Variants in ROCK1 observed in about 807,000 individuals in gnomAD.
ROCK1 encodes rho-associated protein kinase 1.
A neutral mutation model predicts 196.8 loss-of-function variants in ROCK1; 36 were observed. The observed-to-expected ratio is 0.18, with a 90% confidence interval of 0.14 to 0.24. The LOEUF is 0.24. Ranked by LOEUF, ROCK1 falls within the 10% of genes least tolerant of loss-of-function variation. The pLI, the probability that ROCK1 is intolerant of heterozygous loss-of-function variation, is 1.00. For synonymous variants in ROCK1, 443 were observed against 515.9 expected, an observed-to-expected ratio of 0.86 and a Z score of 1.91; for missense variants, 920 against 1,562.0, an observed-to-expected ratio of 0.59 and a Z score of 6.93.
At chr18:21,036,342 T>C (rs2036056818) in intron 9 of ROCK1, among the ~76,000 whole-genome samples, 1 of 152,244 alleles carries the variant, frequency 6.6e-6, no homozygotes, top group South Asian at 2.1e-4. Context: ...TCTTGTGTGT[T>C]GCCCACAAAC....
At chr18:20,959,086 T>TATATATATA (rs1568367368) in intron 29 of ROCK1, among the ~76,000 whole-genome samples, 5 of 29,766 alleles carry the variant, frequency 1.7e-4, no homozygotes, top group African/African-American at 1.0e-3. Context: ...ATATATATAT[T>TATATATATA]TTATATAATA....
chr18:21,107,267 T>C (rs1281131066), intron 1 of ROCK1, among the ~76,000 whole-genome samples: 1 of 152,160 alleles, frequency 6.6e-6, no homozygotes. Context: ...ATCATTAGTG[T>C]CTCAACAAAA....
chr18:21,083,230 A>AT (rs578190836), intron 1 of ROCK1, among the ~76,000 whole-genome samples: 11 of 152,032 alleles, frequency 7.2e-5, no homozygotes, highest in African/African-American at 2.7e-4. Flanking sequence ...TGGAAAAAAT[A>AT]TTTTTTTTAA....
chr18:21,038,156 A>T (rs1442230740), intron 9 of ROCK1, among the ~76,000 whole-genome samples: 1 of 152,154 alleles, frequency 6.6e-6, no homozygotes, highest in Non-Finnish European at 1.5e-5. Flanking sequence ...TAAAAACACA[A>T]AAAGTGTTTT....
At chr18:20,972,606 G>T (rs545243637) in intron 22 of ROCK1, among the ~76,000 whole-genome samples, 16 of 152,336 alleles carry the variant, frequency 1.1e-4, no homozygotes, top group African/African-American at 3.6e-4. Context: ...GGAAAATACA[G>T]CATGTGGTGT....
intron 18 of ROCK1, among the ~76,000 whole-genome samples, chr18:20,990,807 C>A (rs1198403911): frequency 2.6e-5 from 4 of 151,164 alleles, no homozygotes; most frequent in Non-Finnish European, 4.4e-5. Flanking sequence ...GTTGCCCAGG[C>A]TGGAGAACAG....
At chr18:20,960,384 T>C (rs900126943) in intron 27 of ROCK1, among the ~76,000 whole-genome samples, 178 bp from the exon 28 acceptor site, 7 of 152,098 alleles carry the variant, frequency 4.6e-5, no homozygotes, top group Non-Finnish European at 8.8e-5. Context: ...CATACAAATA[T>C]TGCAGAAAAA....
intron 1 of ROCK1, among the ~76,000 whole-genome samples, chr18:21,103,185 C>G (rs1040161792): frequency 1.1e-4 from 16 of 152,074 alleles, no homozygotes; most frequent in African/African-American, 3.9e-4. Context: ...TAAAAAATTA[C>G]ACTTCCTATG....
chr18:21,064,648 T>G (rs1476687199), intron 2 of ROCK1, among the ~76,000 whole-genome samples: 1 of 152,228 alleles, frequency 6.6e-6, no homozygotes, highest in African/African-American at 2.4e-5. Flanking sequence ...TAAGAGCTTT[T>G]CACAAGTTGT....
intron 22 of ROCK1, among the ~76,000 whole-genome samples, chr18:20,974,138 A>C (rs2035457048): frequency 6.6e-6 from 1 of 152,020 alleles, no homozygotes; most frequent in Non-Finnish European, 1.5e-5. Context: ...GTGATACTCT[A>C]CTCTGATGCA....
chr18:20,958,963 A>AAT (rs1333477154), intron 29 of ROCK1, among the ~76,000 whole-genome samples: 2 of 92,164 alleles, frequency 2.2e-5, no homozygotes, highest in South Asian at 2.6e-4. Context: ...TATTTTATAT[A>AAT]ATATATATAA....
chr18:21,069,024 A>C (rs2036361069), intron 2 of ROCK1, among the ~76,000 whole-genome samples: 1 of 152,120 alleles, frequency 6.6e-6, no homozygotes, highest in African/African-American at 2.4e-5. Context: ...GAGAGGACAG[A>C]TTTGCCTTTT....
chr18:21,040,922 A>G (rs2036100183), intron 8 of ROCK1, among the ~76,000 whole-genome samples: 1 of 151,808 alleles, frequency 6.6e-6, no homozygotes, highest in Non-Finnish European at 1.5e-5. Context: ...CAGGAGTTCA[A>G]GACCAGCCTG....
chr18:20,992,973 T>C (rs548470998), intron 16 of ROCK1, 36 bp from the exon 17 acceptor site: 20 of 1,286,654 alleles, frequency 1.6e-5, no homozygotes, highest in Admixed American at 5.6e-5. Flanking sequence ...TCTGTAGTCA[T>C]TGAAAGAAGT....
At chr18:21,094,619 C>T (rs1598561174) in intron 1 of ROCK1, among the ~76,000 whole-genome samples, 1 of 149,970 alleles carries the variant, frequency 6.7e-6, no homozygotes, top group African/African-American at 2.5e-5. Context: ...CATGGTGGCA[C>T]GCACCTGTAG....
intron 11 of ROCK1, among the ~76,000 whole-genome samples, chr18:21,023,010 T>C (rs1425857390): frequency 2.8e-5 from 3 of 106,886 alleles, no homozygotes; most frequent in African/African-American, 1.5e-4. Flanking sequence ...TATTGTATGA[T>C]TCCACCTCAT....
intron 29 of ROCK1, among the ~76,000 whole-genome samples, chr18:20,956,322 G>A (rs1391501210): frequency 1.3e-5 from 2 of 152,148 alleles, no homozygotes; most frequent in Non-Finnish European, 2.9e-5. Flanking sequence ...CTAATATAAT[G>A]TAAATGCTAT....
intron 4 of ROCK1, among the ~76,000 whole-genome samples, chr18:21,046,615 T>G (rs1253161728): frequency 6.6e-6 from 1 of 152,142 alleles, no homozygotes; most frequent in Non-Finnish European, 1.5e-5. Context: ...AATGTGAAAT[T>G]AGCGAGGATA....
intron 1 of ROCK1, among the ~76,000 whole-genome samples, chr18:21,096,356 A>G (rs2036613124): frequency 6.6e-6 from 1 of 152,076 alleles, no homozygotes; most frequent in African/African-American, 2.4e-5. Context: ...GCCTGCCACT[A>G]TGCCCAGCTA....
Sources: allele counts gnomAD v4.1 joint callset (sites outside exome capture counted in the v4.1 genomes callset), GRCh38; gene constraint gnomAD v4.1.1; transcripts MANE v1.5; gene names NCBI Gene and HGNC (gene_info 2026-07-23, HGNC 2026-07-21).